The following PPP1CC variants were observed in gnomAD, a reference collection of about 807,000 sequenced individuals.
PPP1CC encodes the protein serine/threonine-protein phosphatase PP1-gamma catalytic subunit.
In PPP1CC, 16 loss-of-function variants were observed where a neutral mutation model predicts 38.4. The observed-to-expected ratio is 0.42, with a 90% CI of 0.28 to 0.63. The LOEUF is 0.63. Among genes scored for constraint, PPP1CC ranks in the 30% least tolerant of loss-of-function variants. The pLI is 0.25. For missense variants in PPP1CC, 170 were observed against 391.3 expected, an observed-to-expected ratio of 0.43 and a Z score of 4.77; for synonymous variants, 158 against 136.0, an observed-to-expected ratio of 1.16 and a Z score of -1.13.
At chr12:110,727,571 C>T (rs1471892615) in intron 3 of PPP1CC, among the ~76,000 whole-genome samples, 3 of 150,556 alleles carry the variant, frequency 2.0e-5, no homozygotes, top group Non-Finnish European at 4.4e-5. Context: ...ATGTTTTACC[C>T]AACAACATAT....
At position 110,722,273 on chromosome 12, in the gene PPP1CC, GAA is replaced by G; in HGVS notation, c.748-6_748-5del. 1 of 1,611,828 alleles carries G rather than the reference GAA, an allele frequency of 6.2e-7. No homozygotes were observed. Among genetic ancestry groups the G allele is most frequent in the East Asian group, 2.2e-5 (1 of 44,858 alleles). Reference sequence around the variant, plus strand: ...ATTCATATCCATCTTCAACCACCTTGAAGAGAAAATTTTTTCAATATAAATAG... The same window carrying G: ...ATTCATATCCATCTTCAACCACCTTGGAGAAAATTTTTTCAATATAAATAG... On this transcript the variant is annotated splice_region_variant and splice_polypyrimidine_tract_variant and intron_variant, in intron 5 of 6. Coordinates refer to ENST00000335007, the MANE Select transcript of PPP1CC (RefSeq NM_002710.4). This position sits in a 1 kb window ranked among gnomAD's most constrained non-coding sequence, Gnocchi z 5.4.
intron 6 of PPP1CC, 35 bp from the exon 7 acceptor site, chr12:110,721,200 T>C (rs200416626): frequency 4.5e-6 from 7 of 1,553,728 alleles, no homozygotes; most frequent in Non-Finnish European, 5.3e-6. Context: ...TTAGGAAATA[T>C]ACTCAACCCC....
At chr12:110,728,397 C>CAAAAAAAAAAAAA (rs1234259790) in intron 3 of PPP1CC, among the ~76,000 whole-genome samples, 23 of 78,462 alleles carry the variant, frequency 2.9e-4, no homozygotes, top group African/African-American at 6.8e-4. Context: ...GACTCCGTCT[C>CAAAAAAAAAAAAA]AAAAAAAAAA....
rs953509743 is a variant in PPP1CC, at chr12:110,720,235, T to C, written c.*841A>G. On this transcript the variant is annotated 3_prime_UTR_variant, in exon 7 of 7. Coordinates refer to ENST00000335007, the MANE Select transcript of PPP1CC (RefSeq NM_002710.4). ...AAAAGATTACTTAATGAATAGACTA[T>C]ATGGAAATTGTATAAAATGTTATTA... is the stretch of plus-strand genomic sequence containing the variant. The C allele has an allele frequency of 2.7e-6, 4 of 1,491,756 alleles. No homozygotes were observed. Among genetic ancestry groups the C allele is most frequent in the Non-Finnish European group, 3.6e-6 (4 of 1,106,440 alleles). The allele number at this position is 1,491,756 out of a possible 1,614,324, so 92.4% of individuals were successfully genotyped here. A position where few individuals can be genotyped will look rare whatever the true frequency, so the allele number is the denominator to read the frequency against.
intron 1 of PPP1CC, among the ~76,000 whole-genome samples, chr12:110,735,925 C>T (rs1164384209): frequency 2.0e-5 from 3 of 151,988 alleles, no homozygotes; most frequent in Admixed American, 6.6e-5. Flanking sequence ...ATTAGCCAGG[C>T]GTGGTGGCAG....
At chr12:110,728,623 A>C (rs1051735311) in intron 3 of PPP1CC, among the ~76,000 whole-genome samples, 7 of 151,986 alleles carry the variant, frequency 4.6e-5, no homozygotes, top group African/African-American at 1.2e-4. Context: ...AACAAAAAAA[A>C]CCCATCACAC....
the PPP1CC span, among the ~76,000 whole-genome samples, chr12:110,713,043 A>G: frequency 6.6e-6 from 1 of 152,092 alleles, no homozygotes; most frequent in Admixed American, 6.5e-5. Context: ...ATTGCATTCC[A>G]GCCTGGGCAA....
At chr12:110,712,666 AG>A in the PPP1CC span, among the ~76,000 whole-genome samples, 12,583 of 112,024 alleles carry the variant, frequency 0.11, 2,324 homozygotes, top group Non-Finnish European at 0.13. Flanking sequence ...AAAAAAAAAA[AG>A]GGGGGGCACT....
chr12:110,718,217 T>C (rs1593569111), downstream of PPP1CC, among the ~76,000 whole-genome samples: 2 of 152,164 alleles, frequency 1.3e-5, no homozygotes, highest in African/African-American at 4.8e-5. Context: ...CCACTGCAAC[T>C]AGACATGGGC....
At chr12:110,723,678 T>G (rs1218186014) in intron 4 of PPP1CC, among the ~76,000 whole-genome samples, 1 of 152,090 alleles carries the variant, frequency 6.6e-6, no homozygotes, top group Non-Finnish European at 1.5e-5. Context: ...CCTGGCTAAC[T>G]TTTACAACTT....
downstream of PPP1CC, among the ~76,000 whole-genome samples, chr12:110,716,013 G>A (rs1317460234): frequency 6.6e-6 from 1 of 152,208 alleles, no homozygotes; most frequent in African/African-American, 2.4e-5. Context: ...TTTGAGGTTG[G>A]TGGAAAGGCA....
the PPP1CC span, among the ~76,000 whole-genome samples, chr12:110,712,571 C>T: frequency 4.0e-5 from 5 of 124,826 alleles, no homozygotes; most frequent in East Asian, 5.5e-4. Flanking sequence ...ATCCGGGAAG[C>T]GGAGGTTGCA....
In PPP1CC at chr12:110,741,711, C is replaced by T. The variant is rs553423133; in HGVS notation, c.55+942G>A. On this transcript the variant is annotated intron_variant, in intron 1 of 6. Coordinates refer to ENST00000335007, the MANE Select transcript of PPP1CC (RefSeq NM_002710.4). ...GTCTGTAGAGGGTTCTAGCTCCCGGCTATGTGGATTTGAAATCCAACTGTC... is the reference window on the plus strand; with the variant it reads ...GTCTGTAGAGGGTTCTAGCTCCCGGTTATGTGGATTTGAAATCCAACTGTC... Among the ~76,000 whole-genome samples, 7 of 152,270 alleles carry T rather than the reference C, an allele frequency of 4.6e-5. No individual in the cohort carries two copies. The East Asian group carries it at 1.4e-3, about 29-fold the overall frequency.
chr12:110,721,080 T>C lies in PPP1CC; in HGVS notation c.968A>G (p.Lys323Arg), dbSNP rs1436116298. 6.2e-7 allele frequency: 1 copy of C among 1,613,746 alleles called. No individual in the cohort carries two copies. The highest frequency in any genetic ancestry group is 8.5e-7 in the Non-Finnish European group (1 of 1,179,658). Reference protein sequence around the residue: ...PRGMITKQAKK With the variant: ...PRGMITKQAKR ...TAGGCAGTGTCAAAACGACATCTAT[T>C]TCTTTGCTTGCTTTGTGATCATACC... The change falls in exon 7 of 7, where the codon AAA becomes AGA. Residue 323 changes from lysine (K) to arginine (R), a missense_variant. Around this residue, in one of 3 missense-constraint regions of PPP1CC, gnomAD observed 23 missense variants for 24.0 expected, o/e 0.96. Transcript: ENST00000335007.
intron 1 of PPP1CC, among the ~76,000 whole-genome samples, chr12:110,741,219 A>G (rs531409862): frequency 2.8e-4 from 43 of 152,226 alleles, no homozygotes; most frequent in African/African-American, 1.0e-3. Context: ...GACAGCATAA[A>G]AGGAAAGAAT....
At position 110,722,020 on chromosome 12, in the gene PPP1CC, TA is replaced by T; in HGVS notation, c.882+114del. ...ATAATACACACTGGTTAAGGGAAAA[TA>T]AAAACTTAGCCTACTCAGCATAAGT... On this transcript the variant is annotated intron_variant, in intron 6 of 6. Transcript: ENST00000335007. The surrounding 1 kb of genome is among the most constrained non-coding windows in gnomAD (Gnocchi z 5.4). 2 of 1,309,670 alleles carry T rather than the reference TA, an allele frequency of 1.5e-6. No individual in the cohort carries two copies. Among genetic ancestry groups the T allele is most frequent in the Non-Finnish European group, 1.0e-6 (1 of 955,602 alleles). 81.1% of individuals were successfully genotyped at this position (1,309,670 alleles called of 1,614,324 possible).
In PPP1CC at chr12:110,722,423, T is replaced by C; in HGVS notation, c.747+49A>G. ...CACCAAAATCAACAAGGAGAATCTG[T>C]GCTCACACACATGCTCTTAAGTGTA... On this transcript the variant is annotated intron_variant, in intron 5 of 6. Coordinates refer to ENST00000335007, the MANE Select transcript of PPP1CC (RefSeq NM_002710.4). The surrounding 1 kb of genome is among the most constrained non-coding windows in gnomAD (Gnocchi z 5.4). 1 of 1,593,284 alleles carries C rather than the reference T, an allele frequency of 6.3e-7. No individual in the cohort carries two copies. The highest frequency in any genetic ancestry group is 8.6e-7 in the Non-Finnish European group (1 of 1,161,390).
chr12:110,723,301 T>G (rs1320459411), intron 4 of PPP1CC, among the ~76,000 whole-genome samples: 2 of 152,148 alleles, frequency 1.3e-5, no homozygotes, highest in East Asian at 3.9e-4. Context: ...AGTTACAATA[T>G]GGGATGCATA....
the PPP1CC span, among the ~76,000 whole-genome samples, chr12:110,712,285 T>C: frequency 6.6e-6 from 1 of 151,844 alleles, no homozygotes; most frequent in African/African-American, 2.4e-5. Context: ...CGGGACCATA[T>C]ATATTATATA....
Sources: gnomAD v4.1 joint callset for allele counts (sites outside exome capture counted in the v4.1 genomes callset) on GRCh38, gnomAD v4.1.1 for gene constraint, gnomAD v4.1.1 regional missense constraint, Gnocchi (gnomAD v3.1) non-coding constraint, MANE v1.5 for transcripts, NCBI Gene and HGNC (gene_info 2026-07-23, HGNC 2026-07-21) for gene names.